Variants in MCF2L observed in about 807,000 individuals in gnomAD.
MCF2L encodes MCF.2 cell line derived transforming sequence like.
MCF2L carries 97 observed loss-of-function variants against 153.4 expected under a neutral mutation model. The ratio of observed to expected loss-of-function variants is 0.63; its 90% CI spans 0.54 to 0.75. The LOEUF (loss-of-function observed/expected upper bound fraction) is 0.75. Ranked by LOEUF, MCF2L falls within the 30% of genes least tolerant of loss-of-function variation. The pLI is 0.00. For missense variants in MCF2L, 1,347 were observed against 1,495.2 expected, an observed-to-expected ratio of 0.90 and a Z score of 1.64; for synonymous variants, 659 against 632.2, an observed-to-expected ratio of 1.04 and a Z score of -0.64.
rs888989794 is a variant in MCF2L at position 112,983,590 on chromosome 13, G to A, written c.79+14132G>A. On this transcript the variant is annotated intron_variant, in intron 1 of 29. Coordinates refer to ENST00000535094, the MANE Select transcript of MCF2L (RefSeq NM_001112732.3). The surrounding 1 kb of genome is among the most constrained non-coding windows in gnomAD (Gnocchi z 4.0). ...GAGCCGTAGGCGGAGACAGGGAGCC[G>A]GGAGGAGCGTCAGATGCCTGTGGCC... 2.0e-5 allele frequency among the ~76,000 whole-genome samples: 3 copies of A among 152,214 alleles called. No homozygotes were observed. The highest frequency in any genetic ancestry group is 2.9e-5 in the Non-Finnish European group (2 of 68,028).
At chr13:112,902,539 C>G (rs566849057) in intron 2 of MCF2L, among the ~76,000 whole-genome samples, 1 of 152,340 alleles carries the variant, frequency 6.6e-6, no homozygotes, top group East Asian at 1.9e-4. Context: ...AATGGGTTCA[C>G]GTGGCTTTTA....
chr13:113,036,683 C>T (rs547426368), intron 3 of MCF2L, among the ~76,000 whole-genome samples: 2 of 151,432 alleles, frequency 1.3e-5, no homozygotes, highest in East Asian at 4.0e-4. Context: ...ACCCAGGAGC[C>T]CTCTGAGCTC....
At chr13:112,971,407 A>G (rs1167706301) in intron 1 of MCF2L, among the ~76,000 whole-genome samples, 2 of 152,164 alleles carry the variant, frequency 1.3e-5, no homozygotes, top group African/African-American at 4.8e-5. Context: ...CAGGACACTG[A>G]TGTGGCGGCT....
intron 4 of MCF2L, among the ~76,000 whole-genome samples, chr13:113,049,327 G>T (rs1046390278): frequency 1.6e-5 from 2 of 122,242 alleles, no homozygotes; most frequent in African/African-American, 6.2e-5. Context: ...AGGGGTGAGG[G>T]TCTCTGCAGT....
intron 2 of MCF2L, among the ~76,000 whole-genome samples, chr13:113,023,134 G>A (rs112954033): frequency 0.07 from 10,659 of 152,334 alleles, 419 homozygotes; most frequent in Middle Eastern, 0.17. Flanking sequence ...GGGCCGTCAC[G>A]GTGTGTGGAC....
chr13:112,896,885 C>T (rs904410455), intron 1 of MCF2L, among the ~76,000 whole-genome samples: 5 of 152,198 alleles, frequency 3.3e-5, no homozygotes, highest in African/African-American at 9.6e-5. Flanking sequence ...CCTGCGTCTT[C>T]GGCAGGTACT....
At chr13:113,024,958 G>C in intron 3 of MCF2L, 200 bp downstream of exon 3, 1 of 525,426 alleles carries the variant, frequency 1.9e-6, no homozygotes, top group Non-Finnish European at 3.4e-6. Context: ...CTGTGGGTCA[G>C]GGCAGAGTCT....
At chr13:113,039,720 A>G (rs756729195) in intron 3 of MCF2L, among the ~76,000 whole-genome samples, 3 of 152,236 alleles carry the variant, frequency 2.0e-5, no homozygotes, top group Non-Finnish European at 4.4e-5. Flanking sequence ...CCTCTGGGAA[A>G]TGCCAATTAA....
At chr13:113,088,030 G>A (rs1456853230) in intron 23 of MCF2L, among the ~76,000 whole-genome samples, 1 of 152,234 alleles carries the variant, frequency 6.6e-6, no homozygotes, top group African/African-American at 2.4e-5. Context: ...CTCCCCAGGG[G>A]AGCTCATGTG....
chr13:112,986,072 A>G (rs2082628058), intron 1 of MCF2L, among the ~76,000 whole-genome samples: 1 of 152,224 alleles, frequency 6.6e-6, no homozygotes, highest in Admixed American at 6.5e-5. Flanking sequence ...CTCAGAAGGC[A>G]TTTCCTTCAT....
chr13:113,082,395 G>A (rs1423270658), intron 16 of MCF2L, 32 bp from the exon 17 acceptor site: 12 of 1,401,644 alleles, frequency 8.6e-6, no homozygotes, highest in Middle Eastern at 1.9e-4. Flanking sequence ...TCAGGCCCAG[G>A]ACCCCCGCCG....
chr13:112,970,314 G>T (rs1002216968), intron 1 of MCF2L, among the ~76,000 whole-genome samples: 6 of 152,234 alleles, frequency 3.9e-5, no homozygotes, highest in African/African-American at 1.4e-4. Flanking sequence ...CTTGGTTTGG[G>T]TGTGGTTCTC....
upstream of MCF2L, chr13:112,966,092 A>G (rs1226713318): frequency 3.9e-5 from 6 of 152,200 alleles, no homozygotes; most frequent in Non-Finnish European, 8.8e-5. The surrounding 1 kb of genome is among the most constrained non-coding windows in gnomAD (Gnocchi z 4.1). Flanking sequence ...AAAGACCAAT[A>G]GTTTACAGCA....
intron 2 of MCF2L, among the ~76,000 whole-genome samples, chr13:112,927,178 C>G (rs769922129): frequency 1.3e-5 from 2 of 152,192 alleles, no homozygotes; most frequent in Non-Finnish European, 2.9e-5. Context: ...ATGACCTCAT[C>G]ATGTGAACTT....
chr13:113,026,604 G>A (rs76539330), intron 3 of MCF2L, among the ~76,000 whole-genome samples: 1 of 152,190 alleles, frequency 6.6e-6, no homozygotes, highest in Non-Finnish European at 1.5e-5. Context: ...GAGGGCTTCT[G>A]TGTTCTTAAT....
intron 2 of MCF2L, among the ~76,000 whole-genome samples, chr13:112,945,668 T>C (rs1407198371): frequency 2.0e-5 from 3 of 152,254 alleles, no homozygotes; most frequent in Non-Finnish European, 4.4e-5. Context: ...GATGCTCACA[T>C]GGCCTCATGC....
intron 2 of MCF2L, among the ~76,000 whole-genome samples, chr13:112,949,801 T>C (rs59696576): frequency 0.013 from 1,950 of 152,216 alleles, 50 homozygotes; most frequent in African/African-American, 0.044. Flanking sequence ...CACTAAATGG[T>C]GAAAACTATA....
intron 2 of MCF2L, among the ~76,000 whole-genome samples, chr13:112,920,236 T>G (rs535686131): frequency 1.3e-5 from 2 of 152,324 alleles, no homozygotes; most frequent in South Asian, 4.1e-4. Context: ...AGGAGGCGTG[T>G]GTCTGTAGAG....
chr13:112,914,594 C>T (rs1028357689), intron 2 of MCF2L, among the ~76,000 whole-genome samples: 4 of 152,330 alleles, frequency 2.6e-5, no homozygotes, highest in African/African-American at 9.6e-5. Flanking sequence ...GGAGCGGCTC[C>T]CTGCAGAGGT....
Sources: gnomAD v4.1 joint callset for allele counts (sites outside exome capture counted in the v4.1 genomes callset) on GRCh38, gnomAD v4.1.1 for gene constraint, Gnocchi (gnomAD v3.1) non-coding constraint, MANE v1.5 for transcripts, NCBI Gene and HGNC (gene_info 2026-07-23, HGNC 2026-07-21) for gene names.